The following TRAPPC10 variants were observed in gnomAD, a reference collection of about 807,000 sequenced individuals.
TRAPPC10 encodes trafficking protein particle complex subunit 10.
TRAPPC10 carries 23 observed loss-of-function variants against 125.5 expected under a neutral mutation model. The ratio of observed to expected loss-of-function variants is 0.18; its 90% confidence interval spans 0.13 to 0.26. The LOEUF (loss-of-function observed/expected upper bound fraction) is 0.26. Among genes scored for constraint, TRAPPC10 ranks in the 10% least tolerant of loss-of-function variants. TRAPPC10 has a pLI of 1.00. For missense variants in TRAPPC10, 1,123 were observed against 1,308.4 expected (o/e 0.86, Z 2.19); for synonymous variants, 509 against 518.0 (o/e 0.98, Z 0.24).
intron 1 of TRAPPC10, among the ~76,000 whole-genome samples, chr21:44,016,977 A>C (rs951256630): frequency 3.9e-5 from 6 of 152,352 alleles, no homozygotes; most frequent in South Asian, 2.1e-4. Context: ...TTAAATTTGC[A>C]CATTGAAATT....
At position 44,082,858 on chromosome 21, in the gene TRAPPC10, C is replaced by A; in HGVS notation, c.1794C>A (p.Ala598=). 1 of 1,614,072 alleles carries A rather than the reference C, an allele frequency of 6.2e-7. No homozygotes were observed. Among genetic ancestry groups the A allele is most frequent in the Non-Finnish European group, 8.5e-7 (1 of 1,180,034 alleles). Reference sequence around the variant, plus strand: ...ATCTCCATTTTGATCCCTCCAATGCCGTGGTCCACGTGGGCGGCGTTTTGT... The same window carrying A: ...ATCTCCATTTTGATCCCTCCAATGCAGTGGTCCACGTGGGCGGCGTTTTGT... ...LRDLHFDPSN[A]VVHVGGVLCV... is the part of the protein sequence containing the mutation. Residue 598 remains alanine, a synonymous_variant, in exon 14 of 23, where the codon GCC becomes GCA. Transcript: ENST00000291574. This position sits in a 1 kb window ranked among gnomAD's most constrained non-coding sequence, Gnocchi z 4.4.
intron 14 of TRAPPC10, 41 bp downstream of exon 14, chr21:44,083,343 A>G (rs1211977608): frequency 1.3e-6 from 2 of 1,592,200 alleles, no homozygotes; most frequent in South Asian, 1.1e-5. Context: ...AAGTTTGTAA[A>G]GCAGGGCCGT....
chr21:44,043,457 C>T (rs1190318035), intron 3 of TRAPPC10, among the ~76,000 whole-genome samples: 1 of 152,068 alleles, frequency 6.6e-6, no homozygotes, highest in Non-Finnish European at 1.5e-5. Context: ...CGTGATCCAC[C>T]CGCCTCGGCA....
At chr21:44,042,284 G>A (rs911150638) in intron 3 of TRAPPC10, among the ~76,000 whole-genome samples, 1 of 151,876 alleles carries the variant, frequency 6.6e-6, no homozygotes, top group East Asian at 1.9e-4. Flanking sequence ...GGTCTTTAAA[G>A]TTAGGAATTT....
chr21:44,090,711 A>G (rs958746777), intron 18 of TRAPPC10, among the ~76,000 whole-genome samples: 2 of 152,206 alleles, frequency 1.3e-5, no homozygotes, highest in Non-Finnish European at 2.9e-5. Context: ...TCGGGATGCT[A>G]GCCTGGCCTC....
At chr21:44,055,528 A>G (rs574639353) in intron 4 of TRAPPC10, among the ~76,000 whole-genome samples, 170 bp from the exon 5 acceptor site, 48 of 151,390 alleles carry the variant, frequency 3.2e-4, no homozygotes, top group Middle Eastern at 3.4e-3. Context: ...CAGTGAGCCA[A>G]GATTGTGCCA....
intron 15 of TRAPPC10, among the ~76,000 whole-genome samples, chr21:44,085,164 C>T (rs954657419): frequency 6.6e-6 from 1 of 152,158 alleles, no homozygotes; most frequent in African/African-American, 2.4e-5. Flanking sequence ...CCTGGTCATT[C>T]TGGTGACCAG....
chr21:44,062,581 G>A (rs1221284201), intron 6 of TRAPPC10: 1 of 985,098 alleles, frequency 1.0e-6, no homozygotes, highest in Non-Finnish European at 1.2e-6. Flanking sequence ...GTACAGGGCT[G>A]GGCTGGTACA....
chr21:44,032,819 A>G (rs2033695068), intron 2 of TRAPPC10, among the ~76,000 whole-genome samples: 1 of 152,256 alleles, frequency 6.6e-6, no homozygotes, highest in South Asian at 2.1e-4. Flanking sequence ...CGTTTTGCAA[A>G]GGAGACACGT....
chr21:44,062,935 A>G, intron 6 of TRAPPC10: 1 of 1,266,170 alleles, frequency 7.9e-7, no homozygotes, highest in Non-Finnish European at 1.0e-6. Context: ...TTTTAAGATC[A>G]TATTTGAGTC....
At chr21:44,052,499 C>G in intron 4 of TRAPPC10, 23 bp downstream of exon 4, 1 of 1,574,830 alleles carries the variant, frequency 6.3e-7, no homozygotes, top group Non-Finnish European at 8.6e-7. Context: ...TTAATTTTAC[C>G]TCATTTGGTT....
chr21:44,022,710 G>A (rs1321481476), intron 1 of TRAPPC10, among the ~76,000 whole-genome samples: 1 of 151,998 alleles, frequency 6.6e-6, no homozygotes, highest in Non-Finnish European at 1.5e-5. Context: ...TCCAAATACA[G>A]TTTTTAGATA....
Position 44,087,739 on chromosome 21 carries a change from C to A in TRAPPC10, c.2580C>A (p.Asp860Glu), listed in dbSNP as rs376536208. ...CCGCGCTCCGGATTCAGTCCTCCGACAAGGTCACGAGCATCAGTCTGCCTG... is the reference window on the plus strand; with the variant it reads ...CCGCGCTCCGGATTCAGTCCTCCGAAAAGGTCACGAGCATCAGTCTGCCTG... The part of the protein sequence containing the change: ...SEAALRIQSS[D>E]KVTSISLPVA... Residue 860 changes from aspartate (D) to glutamate (E), a missense_variant, in exon 17 of 23, where the codon GAC becomes GAA. Physicochemically the swap from Asp to Glu is conservative, Grantham distance 45. This residue lies in a region of TRAPPC10 where 840 missense variants were observed against 902.0 expected (regional missense o/e 0.93). Coordinates refer to ENST00000291574, the MANE Select transcript of TRAPPC10 (RefSeq NM_003274.5). This position sits in a 1 kb window ranked among gnomAD's most constrained non-coding sequence, Gnocchi z 4.6. 2 of 1,614,050 alleles carry A rather than the reference C, an allele frequency of 1.2e-6. No homozygotes were observed. Among genetic ancestry groups the A allele is most frequent in the African/African-American group, 2.7e-5 (2 of 74,934 alleles).
At chr21:44,056,306 A>G (rs1439317013) in intron 5 of TRAPPC10, among the ~76,000 whole-genome samples, 4 of 152,204 alleles carry the variant, frequency 2.6e-5, no homozygotes, top group Non-Finnish European at 5.9e-5. Flanking sequence ...GAAAAACAGA[A>G]AATCACTTTT....
intron 1 of TRAPPC10, among the ~76,000 whole-genome samples, chr21:44,015,113 T>G: frequency 6.6e-6 from 1 of 152,238 alleles, no homozygotes. Context: ...GTAGGCAACA[T>G]TTTTGTTTTC....
At chr21:44,034,468 C>T (rs1028968883) in intron 2 of TRAPPC10, among the ~76,000 whole-genome samples, 3 of 152,022 alleles carry the variant, frequency 2.0e-5, no homozygotes, top group Non-Finnish European at 4.4e-5. Flanking sequence ...GGCCTAGGTT[C>T]TGAACAGGGC....
intron 1 of TRAPPC10, among the ~76,000 whole-genome samples, chr21:44,020,130 T>G (rs142222171): frequency 2.6e-5 from 4 of 151,748 alleles, no homozygotes; most frequent in Admixed American, 6.6e-5. Flanking sequence ...CTTTTCTTTT[T>G]TTTTTTTTGA....
At chr21:44,093,707 G>A (rs1372228569) in intron 19 of TRAPPC10, among the ~76,000 whole-genome samples, 3 of 152,034 alleles carry the variant, frequency 2.0e-5, no homozygotes, top group Non-Finnish European at 2.9e-5. Flanking sequence ...GCAGTGAGCC[G>A]AGATCCTATC....
chr21:44,030,497 C>G (rs777799029), intron 1 of TRAPPC10, among the ~76,000 whole-genome samples: 1 of 150,780 alleles, frequency 6.6e-6, no homozygotes. Flanking sequence ...GATGGAGTTT[C>G]GCTCTTGTTG....
Sources: allele counts gnomAD v4.1 joint callset (sites outside exome capture counted in the v4.1 genomes callset), GRCh38; gene constraint gnomAD v4.1.1; regional missense constraint gnomAD v4.1.1; non-coding constraint Gnocchi (gnomAD v3.1); transcripts MANE v1.5; gene names NCBI Gene and HGNC (gene_info 2026-07-23, HGNC 2026-07-21).